The following POLA1 variants were observed in gnomAD, a reference collection of about 807,000 sequenced individuals.
POLA1 encodes the protein DNA polymerase alpha catalytic subunit.
Under a neutral mutation model 124.0 loss-of-function variants are expected in POLA1, and 15 were observed. That is an observed-to-expected ratio of 0.12 (90% CI 0.08 to 0.19). The LOEUF is 0.19. Ranked by LOEUF, POLA1 falls within the 10% of genes least tolerant of loss-of-function variation. The pLI is 1.00. For synonymous variants in POLA1, 408 were observed against 389.4 expected (o/e 1.05, Z -0.56); for missense variants, 886 against 1,103.4 (o/e 0.80, Z 2.79).
At chrX:24,772,134 C>G (rs988056947) in intron 26 of POLA1, among the ~76,000 whole-genome samples, 1 of 111,213 alleles carries the variant, frequency 9.0e-6, no homozygotes, top group Non-Finnish European at 1.9e-5. Context: ...AGATAGATGT[C>G]ACGTAATTTA....
At chrX:24,761,948 G>C (rs1233026220) in intron 26 of POLA1, among the ~76,000 whole-genome samples, 1 of 112,092 alleles carries the variant, frequency 8.9e-6, no homozygotes, top group Non-Finnish European at 1.9e-5. Context: ...ACAAGAGAAA[G>C]GACCTGTTGT....
chrX:24,964,353 A>C (rs972379824), intron 36 of POLA1, among the ~76,000 whole-genome samples: 5 of 112,791 alleles, frequency 4.4e-5, no homozygotes, highest in African/African-American at 1.6e-4. Context: ...TTAGAGTTCA[A>C]ATAAAAATGT....
chrX:24,874,884 A>G (rs781146605), intron 34 of POLA1, among the ~76,000 whole-genome samples: 51 of 111,897 alleles, frequency 4.6e-4, no homozygotes, highest in African/African-American at 1.6e-3. Flanking sequence ...AGCAAGAAGT[A>G]TTTGGAACAG....
intron 36 of POLA1, among the ~76,000 whole-genome samples, chrX:24,945,797 G>T (rs2047954594): frequency 9.0e-6 from 1 of 110,604 alleles, no homozygotes; most frequent in African/African-American, 3.3e-5. Context: ...AGACTGGGTG[G>T]CATCTAGATA....
intron 34 of POLA1, 136 bp from the exon 35 acceptor site, chrX:24,887,868 GGA>G (rs2047085140): frequency 2.2e-6 from 1 of 461,584 alleles, no homozygotes; most frequent in Non-Finnish European, 3.9e-6. Flanking sequence ...TAACATGTCA[GGA>G]GAGAGAGATA....
chrX:24,807,075 G>GAGCAGTCCT (rs1232891824), intron 26 of POLA1, among the ~76,000 whole-genome samples: 1 of 112,201 alleles, frequency 8.9e-6, no homozygotes, highest in African/African-American at 3.2e-5. Context: ...CTCAGGTTAT[G>GAGCAGTCCT]CATGGCAATG....
At chrX:24,811,005 A>G (rs1453136468) in intron 28 of POLA1, among the ~76,000 whole-genome samples, 1 of 111,351 alleles carries the variant, frequency 9.0e-6, no homozygotes, top group Non-Finnish European at 1.9e-5. Context: ...GCTTGAGTGC[A>G]GTGGTGCGAT....
chrX:24,876,352 A>G (rs1418385126), intron 34 of POLA1, among the ~76,000 whole-genome samples: 1 of 112,005 alleles, frequency 8.9e-6, no homozygotes, highest in Non-Finnish European at 1.9e-5. Flanking sequence ...ATGAAACTTC[A>G]TCTCGGCATG....
At position 24,809,927 on chromosome X, in the gene POLA1, A is replaced by G; in HGVS notation, c.2994A>G (p.Gln998=). The G allele has an allele frequency of 1.8e-6, 2 of 1,090,644 alleles. No homozygotes were observed. The highest frequency in any genetic ancestry group is 2.5e-6 in the Non-Finnish European group (2 of 797,730). The allele number at this position is 1,090,644 out of a possible 1,213,427, so 89.9% of individuals were successfully genotyped here. ...EILMHTKEMV[Q]KMNLEVIYGD... is the part of the protein sequence containing the mutation. Reference sequence around the variant, plus strand: ...TGATGCATACGAAAGAGATGGTACAAAAGGTAATGTTGAGCATTTTCATTG... The same window carrying G: ...TGATGCATACGAAAGAGATGGTACAGAAGGTAATGTTGAGCATTTTCATTG... The change falls in exon 27 of 37, where the codon CAA becomes CAG. Residue 998 remains glutamine (Q), a synonymous_variant. Transcript: ENST00000379068.
rs766955536 is a variant in POLA1 at position 24,706,691 on chromosome X, A to G, written c.346+2222A>G. Among the ~76,000 whole-genome samples the G allele has an allele frequency of 2.7e-5, 3 of 112,097 alleles. No individual in the cohort carries two copies. In the East Asian group the frequency reaches 8.4e-4, roughly 31 times the overall value. ...AATATCTGTACTAACAACCTTTCTA[A>G]GTAAAATTTATGATTTCTCTACAGT... On this transcript the variant is annotated intron_variant, in intron 4 of 36. Coordinates refer to ENST00000379068, the MANE Select transcript of POLA1 (RefSeq NM_001330360.2).
Position 24,995,997 on chromosome X carries a change from C to T in POLA1, c.*47C>T, listed in dbSNP as rs1317908414. The T allele has an allele frequency of 8.9e-7, 1 of 1,118,674 alleles. No individual in the cohort carries two copies. The highest frequency in any genetic ancestry group is 2.2e-5 in the Admixed American group (1 of 44,839). The allele number at this position is 1,118,674 out of a possible 1,213,427, so 92.2% of individuals were successfully genotyped here. ...GGAGGGGGTAGTTGAAAAATCCCAG[C>T]TTCCTCTGTGCCTCCACTCTGGCCC... On this transcript the variant is annotated 3_prime_UTR_variant, in exon 37 of 37. Transcript: ENST00000379068.
intron 35 of POLA1, among the ~76,000 whole-genome samples, chrX:24,915,909 A>G (rs1028921499): frequency 1.8e-5 from 2 of 112,064 alleles, no homozygotes; most frequent in Non-Finnish European, 3.8e-5. Context: ...TGTACTGACT[A>G]ATGTGCCAGA....
At chrX:24,859,722 G>A (rs1235265949) in intron 34 of POLA1, among the ~76,000 whole-genome samples, 3 of 112,485 alleles carry the variant, frequency 2.7e-5, no homozygotes, top group Non-Finnish European at 3.7e-5. Flanking sequence ...TAGTGCCAGG[G>A]ACATGGCTGA....
Position 24,814,979 on chromosome X carries a change from C to A in POLA1, c.3297C>A (p.Asn1099Lys). 1.1e-6 allele frequency: 1 copy of A among 918,711 alleles called. No individual in the cohort carries two copies. 75.7% of individuals were successfully genotyped at this position (918,711 alleles called of 1,213,427 possible). A position where few individuals can be genotyped will look rare whatever the true frequency, so the allele number is the denominator to read the frequency against. Reference sequence around the variant, plus strand: ...TTTGTTTTTTTTTTTTTTTTTGCAGCTTTGTGATTGGCCAGATTCTTTCTG... The same window carrying A: ...TTTGTTTTTTTTTTTTTTTTTGCAGATTTGTGATTGGCCAGATTCTTTCTG... ...DWCDLAKDTG[N>K]FVIGQILSDQ... is the part of the protein sequence containing the mutation. The change falls in exon 30 of 37, where the codon AAC becomes AAA. Residue 1099 changes from asparagine (N) to lysine (K), a missense_variant and splice_region_variant. Physicochemically the swap from Asn to Lys is moderately conservative, Grantham distance 94. Around this residue, in one of 7 missense-constraint regions of POLA1, gnomAD observed 313 missense variants for 359.7 expected, o/e 0.87. Transcript: ENST00000379068.
At chrX:24,891,644 GCT>G (rs2147145088) in intron 35 of POLA1, among the ~76,000 whole-genome samples, 1 of 111,713 alleles carries the variant, frequency 9.0e-6, no homozygotes, top group East Asian at 2.8e-4. Flanking sequence ...GTTCTCAGTT[GCT>G]CTGTCTCAAT....
chrX:24,741,115 TTGTGTGTGTGTGTG>T (rs751996539), intron 20 of POLA1, among the ~76,000 whole-genome samples: 7 of 89,558 alleles, frequency 7.8e-5, no homozygotes, highest in African/African-American at 2.7e-4. Context: ...TTATGGGATT[TTGTGTGTGTGTGTG>T]TGTGTGTGTG....
At chrX:24,887,467 T>G (rs1209207423) in intron 34 of POLA1, among the ~76,000 whole-genome samples, 1 of 112,668 alleles carries the variant, frequency 8.9e-6, no homozygotes, top group East Asian at 2.8e-4. Flanking sequence ...TTATATTTAT[T>G]AAGTGTTTCT....
chrX:24,793,229 A>G (rs1218923812), intron 26 of POLA1, among the ~76,000 whole-genome samples: 4 of 92,562 alleles, frequency 4.3e-5, no homozygotes, highest in Admixed American at 3.9e-4. Flanking sequence ...TTGAGCCAAG[A>G]TCGCGCCATT....
intron 30 of POLA1, among the ~76,000 whole-genome samples, chrX:24,817,460 T>A (rs1484717671): frequency 9.2e-6 from 1 of 108,844 alleles, no homozygotes; most frequent in Non-Finnish European, 1.9e-5. Flanking sequence ...AATAAAAAAT[T>A]AGCTGGGTGA....
Sources: gnomAD v4.1 joint callset for allele counts (sites outside exome capture counted in the v4.1 genomes callset) on GRCh38, gnomAD v4.1.1 for gene constraint, gnomAD v4.1.1 regional missense constraint, MANE v1.5 for transcripts, NCBI Gene and HGNC (gene_info 2026-07-23, HGNC 2026-07-21) for gene names.